Variants in PLEKHG5 observed in about 807,000 individuals in gnomAD.
PLEKHG5 encodes the protein pleckstrin homology domain-containing family G member 5.
Under a neutral mutation model 103.8 loss-of-function variants are expected in PLEKHG5, and 52 were observed. The ratio of observed to expected loss-of-function variants is 0.50; its 90% CI spans 0.40 to 0.63. The LOEUF is 0.63. Ranked by LOEUF, PLEKHG5 falls within the 30% of genes least tolerant of loss-of-function variation. The pLI, the probability that PLEKHG5 is intolerant of heterozygous loss-of-function variation, is 0.00. For missense variants in PLEKHG5, 1,205 were observed against 1,347.6 expected, an observed-to-expected ratio of 0.89 and a Z score of 1.66; for synonymous variants, 592 against 575.5, an observed-to-expected ratio of 1.03 and a Z score of -0.41.
At chr1:6,519,994 A>T (rs2148642887) in exon 1 of PLEKHG5, 1 of 223,298 alleles carries the variant, frequency 4.5e-6, no homozygotes, top group African/African-American at 2.3e-5. Context: ...CTTGGCTACC[A>T]GGAAGGCCTT....
chr1:6,504,013 G>T (rs1359525114), intron 1 of PLEKHG5, among the ~76,000 whole-genome samples: 1 of 152,226 alleles, frequency 6.6e-6, no homozygotes, highest in Non-Finnish European at 1.5e-5. Flanking sequence ...CCCTGCCAAG[G>T]GGAGCACAGT....
upstream of PLEKHG5, chr1:6,496,601 CG>C: frequency 6.7e-6 from 10 of 1,489,572 alleles, no homozygotes; most frequent in Non-Finnish European, 9.0e-6. Context: ...CATCAGTCAG[CG>C]GGGCACCCAG....
upstream of PLEKHG5, among the ~76,000 whole-genome samples, chr1:6,496,276 T>C (rs1645222469): frequency 2.0e-5 from 3 of 152,206 alleles, no homozygotes; most frequent in South Asian, 2.1e-4. Flanking sequence ...CACCCCCCTG[T>C]TCTTGTAGAA....
At chr1:6,483,953 C>T (rs1644962103) in intron 1 of PLEKHG5, among the ~76,000 whole-genome samples, 1 of 152,214 alleles carries the variant, frequency 6.6e-6, no homozygotes, top group African/African-American at 2.4e-5. Context: ...TTCCAGGCCT[C>T]CTGAGATTTC....
intron 1 of PLEKHG5, among the ~76,000 whole-genome samples, chr1:6,516,785 GT>G (rs200052456): frequency 1.0e-5 from 1 of 98,508 alleles, no homozygotes; most frequent in African/African-American, 3.8e-5. Context: ...ATGTGTGTGT[GT>G]TATATATATG....
At chr1:6,474,851 T>C in intron 5 of PLEKHG5, 196 bp downstream of exon 5, 1 of 683,256 alleles carries the variant, frequency 1.5e-6, no homozygotes, top group Non-Finnish European at 2.7e-6. Flanking sequence ...ATGATTAAAA[T>C]GCACAAGTAC....
intron 1 of PLEKHG5, among the ~76,000 whole-genome samples, chr1:6,507,337 G>C (rs1638352822): frequency 6.6e-6 from 1 of 152,184 alleles, no homozygotes; most frequent in African/African-American, 2.4e-5. Flanking sequence ...GCCAACTTGG[G>C]GACCTGAACA....
chr1:6,482,704 T>G (rs1037342786), intron 1 of PLEKHG5, among the ~76,000 whole-genome samples: 27 of 152,060 alleles, frequency 1.8e-4, no homozygotes, highest in African/African-American at 4.1e-4. Flanking sequence ...ATTTATTTAT[T>G]TATGTATTTA....
intron 1 of PLEKHG5, chr1:6,519,396 GT>G: frequency 1.4e-6 from 2 of 1,414,178 alleles, no homozygotes; most frequent in Non-Finnish European, 2.0e-6. Context: ...CTTTCACTCT[GT>G]GTCCTCAAAC....
Position 6,469,030 on chromosome 1 carries a change from G to A in PLEKHG5, c.2249+12C>T, listed in dbSNP as rs779304502. ...CTGGTTTGACCTGCTGGGTGGTCAT[G>A]AGCAGACGTACCAGTGCTGAGAGTC... On this transcript the variant is annotated intron_variant, in intron 19 of 20. Coordinates refer to ENST00000377728, the MANE Select transcript of PLEKHG5 (RefSeq NM_020631.6). 7 of 1,610,810 alleles carry A rather than the reference G, an allele frequency of 4.3e-6. No individual in the cohort carries two copies. The highest frequency in any genetic ancestry group is 1.3e-5 in the African/African-American group (1 of 74,912).
rs1263340486 is a variant in PLEKHG5, at chr1:6,477,717, C to T, written c.-87-59G>A. 12 of 1,560,726 alleles carry T rather than the reference C, an allele frequency of 7.7e-6. 1 individual carries two copies. The highest frequency in any genetic ancestry group is 6.7e-5 in the East Asian group (3 of 44,602). On this transcript the variant is annotated intron_variant, in intron 1 of 20. Transcript: ENST00000377728. ...CGAGATCCACCACATCCCTCGACCC[C>T]GGCCCAGCGCTGCAGGGACTTAGAA...
chr1:6,505,322 G>A lies in PLEKHG5; in HGVS notation c.-164-8753C>T, dbSNP rs1638282156. 6.6e-6 allele frequency among the ~76,000 whole-genome samples: 1 copy of A among 151,986 alleles called. No individual in the cohort carries two copies. The highest frequency in any genetic ancestry group is 2.4e-5 in the African/African-American group (1 of 41,366). ...GACCAGCCTACGGTGCCGACCAGCTGAGCTGAGCGGACAGAATGGGCATCC... is the reference window on the plus strand; with the variant it reads ...GACCAGCCTACGGTGCCGACCAGCTAAGCTGAGCGGACAGAATGGGCATCC... On this transcript the variant is annotated intron_variant, in intron 1 of 21. Transcript: ENST00000377740. The surrounding 1 kb of genome is among the most constrained non-coding windows in gnomAD (Gnocchi z 4.2).
chr1:6,503,192 G>T (rs545308725), intron 1 of PLEKHG5, among the ~76,000 whole-genome samples: 2 of 152,268 alleles, frequency 1.3e-5, no homozygotes, highest in South Asian at 2.1e-4. Context: ...GAGGCAGAAG[G>T]ATCATTTTAG....
At chr1:6,467,719 G>C in intron 20 of PLEKHG5, 106 bp downstream of exon 20, 3 of 1,507,458 alleles carry the variant, frequency 2.0e-6, no homozygotes, top group Non-Finnish European at 2.8e-6. Context: ...GCAGGGTTCA[G>C]GCTCCCTCCG....
At chr1:6,477,807 C>T (rs1423752417) in intron 1 of PLEKHG5, 149 bp from the exon 2 acceptor site, 2 of 708,110 alleles carry the variant, frequency 2.8e-6, no homozygotes, top group African/African-American at 2.1e-5. Context: ...CCCTCTCCCA[C>T]ATCATCAAGT....
upstream of PLEKHG5, among the ~76,000 whole-genome samples, chr1:6,495,560 C>T (rs938444393): frequency 3.9e-5 from 6 of 152,226 alleles, no homozygotes; most frequent in African/African-American, 1.4e-4. Context: ...TCCTAGCAGT[C>T]TGTCCCTGAG....
rs937964151 is a variant in PLEKHG5 at position 6,487,048 on chromosome 1, G to T, written c.-88+4589C>A. 1.3e-5 allele frequency among the ~76,000 whole-genome samples: 2 copies of T among 152,212 alleles called. No individual in the cohort carries two copies. Among genetic ancestry groups the T allele is most frequent in the Non-Finnish European group, 2.9e-5 (2 of 68,038 alleles). ...TTTATTAGAGGCTGGGAGACTTCCAGGGCTGTCTCCACTCCCAAAGCCCAG... is the reference window on the plus strand; with the variant it reads ...TTTATTAGAGGCTGGGAGACTTCCATGGCTGTCTCCACTCCCAAAGCCCAG... On this transcript the variant is annotated intron_variant, in intron 1 of 20. Coordinates refer to ENST00000377728, the MANE Select transcript of PLEKHG5 (RefSeq NM_020631.6). The surrounding 1 kb of genome is among the most constrained non-coding windows in gnomAD (Gnocchi z 4.1).
intron 1 of PLEKHG5, among the ~76,000 whole-genome samples, chr1:6,489,337 T>C (rs1645101814): frequency 6.6e-6 from 1 of 152,142 alleles, no homozygotes; most frequent in African/African-American, 2.4e-5. Context: ...CCATCACCCC[T>C]TGGGTTCTGA....
chr1:6,468,644 C>T (rs1644469420), intron 19 of PLEKHG5, 58 bp from the exon 20 acceptor site: 4 of 1,595,174 alleles, frequency 2.5e-6, no homozygotes, highest in Non-Finnish European at 2.6e-6. Context: ...CCTGAGGCAG[C>T]CCCAGGCTGG....
Sources: allele counts gnomAD v4.1 joint callset (sites outside exome capture counted in the v4.1 genomes callset), GRCh38; gene constraint gnomAD v4.1.1; non-coding constraint Gnocchi (gnomAD v3.1); transcripts MANE v1.5; gene names NCBI Gene and HGNC (gene_info 2026-07-23, HGNC 2026-07-21).